The following INPP4B variants were observed in gnomAD, a reference collection of about 807,000 sequenced individuals.
INPP4B encodes the protein inositol polyphosphate-4-phosphatase type II B.
Under a neutral mutation model 122.5 loss-of-function variants are expected in INPP4B, and 55 were observed. That is an observed-to-expected ratio of 0.45 (90% CI 0.36 to 0.56). The LOEUF (loss-of-function observed/expected upper bound fraction) is 0.56, where lower values mean the gene tolerates loss of function less well. Ranked by LOEUF, INPP4B falls within the 20% of genes least tolerant of loss-of-function variation. The pLI is 0.00. For synonymous variants in INPP4B, 403 were observed against 388.7 expected, an observed-to-expected ratio of 1.04 and a Z score of -0.43; for missense variants, 1,000 against 1,097.7, an observed-to-expected ratio of 0.91 and a Z score of 1.26.
chr4:142,375,057 A>T (rs1479066205), intron 7 of INPP4B, among the ~76,000 whole-genome samples: 1 of 151,612 alleles, frequency 6.6e-6, no homozygotes, highest in Admixed American at 6.6e-5. Flanking sequence ...TTTGCTACCC[A>T]TCTTATACGG....
intron 7 of INPP4B, among the ~76,000 whole-genome samples, chr4:142,398,401 A>AATATATATATAT (rs1206023677): frequency 2.1e-4 from 6 of 28,492 alleles, no homozygotes; most frequent in Admixed American, 5.9e-4. Context: ...AAAAAAAAAA[A>AATATATATATAT]ATATATATAT....
intron 14 of INPP4B, among the ~76,000 whole-genome samples, chr4:142,204,447 C>A (rs1841879176): frequency 6.6e-6 from 1 of 151,930 alleles, no homozygotes; most frequent in South Asian, 2.1e-4. Context: ...CTGGGTTGTA[C>A]CCTAATCTGT....
At chr4:142,042,551 TATGTATG>T (rs1748599090) in intron 25 of INPP4B, among the ~76,000 whole-genome samples, 7 of 30,588 alleles carry the variant, frequency 2.3e-4, no homozygotes, top group African/African-American at 3.7e-4. Flanking sequence ...TGTATGTATG[TATGTATG>T]TATTTATTTA....
intron 2 of INPP4B, among the ~76,000 whole-genome samples, chr4:142,545,092 A>G (rs557627540): frequency 6.6e-6 from 1 of 152,276 alleles, no homozygotes; most frequent in South Asian, 2.1e-4. Context: ...AAACAGAAAT[A>G]ATTGTTTTAT....
chr4:142,244,544 G>A (rs1287279001), intron 11 of INPP4B, among the ~76,000 whole-genome samples: 1 of 151,646 alleles, frequency 6.6e-6, no homozygotes, highest in African/African-American at 2.4e-5. Context: ...ACCTCATGAT[G>A]CACCTGCCTC....
intron 1 of INPP4B, among the ~76,000 whole-genome samples, chr4:142,842,915 A>G (rs1783733956): frequency 7.1e-6 from 1 of 140,308 alleles, no homozygotes; most frequent in African/African-American, 2.6e-5. Context: ...AATAATATAT[A>G]TACTATATAT....
chr4:142,483,767 G>T (rs2149749577), intron 2 of INPP4B, among the ~76,000 whole-genome samples: 1 of 152,182 alleles, frequency 6.6e-6, no homozygotes, highest in Admixed American at 6.5e-5. Context: ...CTATCGTGTT[G>T]AGTGAGTACT....
At chr4:142,165,294 G>T (rs186402628) in intron 16 of INPP4B, among the ~76,000 whole-genome samples, 6 of 151,644 alleles carry the variant, frequency 4.0e-5, no homozygotes, top group Admixed American at 6.6e-5. Context: ...CTATTTTCTG[G>T]ATTAGTCAGC....
intron 25 of INPP4B, among the ~76,000 whole-genome samples, chr4:142,064,032 A>G (rs1762295348): frequency 6.6e-6 from 1 of 152,182 alleles, no homozygotes; most frequent in Non-Finnish European, 1.5e-5. Context: ...TTTTCTGAAA[A>G]TAGACTTATT....
At chr4:142,701,002 A>G (rs1761687479) in intron 2 of INPP4B, among the ~76,000 whole-genome samples, 4 of 152,324 alleles carry the variant, frequency 2.6e-5, no homozygotes. Context: ...ACCTTAATCC[A>G]TAAGAAAATT....
chr4:142,558,426 A>C (rs1729677658), intron 2 of INPP4B, among the ~76,000 whole-genome samples: 1 of 152,150 alleles, frequency 6.6e-6, no homozygotes, highest in Non-Finnish European at 1.5e-5. Context: ...CAGCAAAAAA[A>C]AAGGAAAAAA....
chr4:142,542,598 TG>T (rs1273254933), intron 2 of INPP4B, among the ~76,000 whole-genome samples: 1 of 152,220 alleles, frequency 6.6e-6, no homozygotes, highest in African/African-American at 2.4e-5. Flanking sequence ...TCCAGGATTA[TG>T]GAGTTGATTA....
At chr4:142,236,424 C>A (rs553631624) in intron 12 of INPP4B, among the ~76,000 whole-genome samples, 22 of 152,268 alleles carry the variant, frequency 1.4e-4, no homozygotes, top group African/African-American at 4.8e-4. Flanking sequence ...AAACCCACTT[C>A]AGGATAACTT....
chr4:142,810,124 C>A (rs1202133706), intron 1 of INPP4B, among the ~76,000 whole-genome samples: 1 of 148,530 alleles, frequency 6.7e-6, no homozygotes, highest in African/African-American at 2.5e-5. Flanking sequence ...GAGCCGAGAT[C>A]GCGCCACTGT....
intron 3 of INPP4B, among the ~76,000 whole-genome samples, chr4:142,448,935 C>A (rs1452336459): frequency 6.6e-6 from 1 of 152,142 alleles, no homozygotes; most frequent in African/African-American, 2.4e-5. Flanking sequence ...TGGCTTCTCA[C>A]GGAGACCCCT....
chr4:142,665,129 T>C lies in INPP4B; in HGVS notation c.-191+60710A>G, dbSNP rs151317395. Among the ~76,000 whole-genome samples the C allele has an allele frequency of 6.3e-4, 96 of 152,342 alleles. 1 individual carries two copies. Among genetic ancestry groups the C allele is most frequent in the African/African-American group, 2.1e-3 (89 of 41,582 alleles). On this transcript the variant is annotated intron_variant, in intron 2 of 25. Transcript: ENST00000262992. Reference sequence around the variant, plus strand: ...CCACCATGGGATATGCTGTCCATCATTGATCAAAATGTCATTATGTGGCAC... The same window carrying C: ...CCACCATGGGATATGCTGTCCATCACTGATCAAAATGTCATTATGTGGCAC...
chr4:142,423,898 T>C (rs1807477590), intron 5 of INPP4B: 1 of 381,776 alleles, frequency 2.6e-6, no homozygotes, highest in South Asian at 2.0e-5. Context: ...TAATCAGGAA[T>C]CCTATTTGAG....
chr4:142,541,618 G>C (rs565877419), intron 2 of INPP4B, among the ~76,000 whole-genome samples: 2 of 152,320 alleles, frequency 1.3e-5, no homozygotes, highest in East Asian at 3.9e-4. Context: ...CTGAGCTCTT[G>C]AAATGTATTT....
intron 17 of INPP4B, among the ~76,000 whole-genome samples, chr4:142,153,880 C>T (rs1815764389): frequency 6.6e-6 from 1 of 152,014 alleles, no homozygotes; most frequent in Non-Finnish European, 1.5e-5. Flanking sequence ...AAGATTTCAC[C>T]TGGGGTTTCT....
Sources: allele counts gnomAD v4.1 joint callset (sites outside exome capture counted in the v4.1 genomes callset), GRCh38; gene constraint gnomAD v4.1.1; transcripts MANE v1.5; gene names NCBI Gene and HGNC (gene_info 2026-07-23, HGNC 2026-07-21).